TENM4: variants seen among roughly 807,000 people sequenced by gnomAD.
The protein encoded by TENM4 is teneurin transmembrane protein 4.
In TENM4, 82 loss-of-function variants were observed where a neutral mutation model predicts 243.3. That is an observed-to-expected ratio of 0.34 (90% CI 0.28 to 0.40). The LOEUF is 0.40. Among genes scored for constraint, TENM4 ranks in the 10% least tolerant of loss-of-function variants. TENM4 has a pLI of 1.00. For missense variants in TENM4, 3,138 were observed against 3,673.3 expected (o/e 0.85, Z 3.77); for synonymous variants, 1,412 against 1,456.3 (o/e 0.97, Z 0.69).
At chr11:78,842,909 C>T (rs886460160) in intron 12 of TENM4, among the ~76,000 whole-genome samples, 6 of 152,224 alleles carry the variant, frequency 3.9e-5, no homozygotes, top group Admixed American at 2.0e-4. Flanking sequence ...TGTGATGGCT[C>T]ATGCCTGTAA....
intron 3 of TENM4, among the ~76,000 whole-genome samples, chr11:79,151,394 A>G (rs889637352): frequency 2.0e-5 from 3 of 152,202 alleles, no homozygotes; most frequent in African/African-American, 7.2e-5. Context: ...CTAGAAGTCT[A>G]AACACAAGAA....
intron 2 of TENM4, among the ~76,000 whole-genome samples, chr11:79,247,477 T>A (rs563763416): frequency 6.7e-5 from 10 of 148,602 alleles, no homozygotes; most frequent in African/African-American, 2.5e-4. Flanking sequence ...CCTTGTGCAA[T>A]GACCTGGAGG....
intron 1 of TENM4, among the ~76,000 whole-genome samples, chr11:79,359,966 G>T (rs140953333): frequency 2.9e-4 from 44 of 152,230 alleles, no homozygotes; most frequent in African/African-American, 1.0e-3. Context: ...CAAACTGTAC[G>T]CATGGCATGT....
chr11:78,983,967 G>A (rs1008987727), intron 6 of TENM4, among the ~76,000 whole-genome samples: 1 of 152,196 alleles, frequency 6.6e-6, no homozygotes, highest in Non-Finnish European at 1.5e-5. Context: ...AAAATGGATG[G>A]TCATCTGTCT....
intron 12 of TENM4, among the ~76,000 whole-genome samples, chr11:78,849,394 T>TA (rs1228950198): frequency 6.6e-6 from 1 of 152,194 alleles, no homozygotes; most frequent in Non-Finnish European, 1.5e-5. Flanking sequence ...CCGTGACAAA[T>TA]AGTGAGAGAC....
chr11:79,358,531 A>G (rs1010635475), intron 1 of TENM4, among the ~76,000 whole-genome samples: 7 of 152,146 alleles, frequency 4.6e-5, no homozygotes, highest in African/African-American at 1.7e-4. Flanking sequence ...ACAGAGTACC[A>G]AATTATGCCT....
intron 6 of TENM4, among the ~76,000 whole-genome samples, chr11:78,944,884 G>T (rs1318544110): frequency 6.6e-6 from 1 of 152,148 alleles, no homozygotes; most frequent in Non-Finnish European, 1.5e-5. Flanking sequence ...GCCAGTAAGT[G>T]GCATGGCTGG....
At chr11:79,066,730 GCGCACGCACA>G (rs1860266837) in intron 5 of TENM4, among the ~76,000 whole-genome samples, 1 of 150,606 alleles carries the variant, frequency 6.6e-6, no homozygotes, top group African/African-American at 2.4e-5. Flanking sequence ...GAGCACACAC[GCGCACGCACA>G]TGCACACACG....
chr11:79,192,076 C>T (rs541360164), intron 3 of TENM4, among the ~76,000 whole-genome samples: 293 of 148,072 alleles, frequency 2.0e-3, no homozygotes, highest in Non-Finnish European at 2.9e-3. Flanking sequence ...CCAGCCGTCC[C>T]GTCCGGGAGG....
intron 1 of TENM4, among the ~76,000 whole-genome samples, chr11:79,439,978 T>TCGCA (rs1247007457): frequency 3.3e-5 from 5 of 150,050 alleles, no homozygotes; most frequent in Non-Finnish European, 7.4e-5. Flanking sequence ...GGAGCTGGGG[T>TCGCA]CGCATCTCCA....
intron 1 of TENM4, among the ~76,000 whole-genome samples, chr11:79,342,102 G>C (rs1857251560): frequency 6.6e-6 from 1 of 152,164 alleles, no homozygotes; most frequent in Admixed American, 6.5e-5. Context: ...CAATCACAGA[G>C]GACACTGAGA....
intron 6 of TENM4, among the ~76,000 whole-genome samples, chr11:78,904,593 TC>T (rs1856022505): frequency 6.6e-6 from 1 of 152,156 alleles, no homozygotes; most frequent in South Asian, 2.1e-4. Context: ...AGAGTCCCGT[TC>T]TGAGCCTTCT....
rs57907479 is a variant in TENM4, at chr11:79,343,655, T to TA, written c.-320-46113dup. Among the ~76,000 whole-genome samples the TA allele has an allele frequency of 1.4e-3, 209 of 146,384 alleles. 1 individual carries two copies. Among genetic ancestry groups the TA allele is most frequent in the Middle Eastern group, 7.1e-3 (2 of 282 alleles). On this transcript the variant is annotated intron_variant, in intron 1 of 33. Coordinates refer to ENST00000278550, the MANE Select transcript of TENM4 (RefSeq NM_001098816.3). ...AAAGAAAATACAGTGTAGCTAAGTT[T>TA]AAAAAAAAAAAAAATAGTTTGAGAC...
chr11:79,031,368 A>G (rs1211436907), intron 6 of TENM4, among the ~76,000 whole-genome samples: 1 of 152,194 alleles, frequency 6.6e-6, no homozygotes, highest in African/African-American at 2.4e-5. Flanking sequence ...CAACAGCTGC[A>G]CCCAACAGAT....
intron 2 of TENM4, among the ~76,000 whole-genome samples, chr11:79,262,562 C>T (rs1202603136): frequency 2.6e-5 from 4 of 152,184 alleles, no homozygotes; most frequent in Non-Finnish European, 4.4e-5. Context: ...CGTCTCTTTC[C>T]CAACCCCATT....
At position 78,855,861 on chromosome 11, in the gene TENM4, T is replaced by C. The variant is rs1012318520; in HGVS notation, c.1470+103A>G. The C allele has an allele frequency of 4.2e-5, 46 of 1,091,614 alleles. No individual in the cohort carries two copies. The Admixed American group carries it at 1.1e-3, about 25-fold the overall frequency. 67.6% of individuals were successfully genotyped at this position (1,091,614 alleles called of 1,614,324 possible). A position where few individuals can be genotyped will look rare whatever the true frequency, so the allele number is the denominator to read the frequency against. ...ATGAATGGGCTATAAAATATATAAA[T>C]GTCCCTTCAGGCTTAAGGCTCTGGA... On this transcript the variant is annotated intron_variant, in intron 11 of 33. Coordinates refer to ENST00000278550, the MANE Select transcript of TENM4 (RefSeq NM_001098816.3).
intron 1 of TENM4, among the ~76,000 whole-genome samples, chr11:79,380,666 A>G (rs1328914532): frequency 6.6e-6 from 1 of 152,198 alleles, no homozygotes; most frequent in Non-Finnish European, 1.5e-5. Context: ...AAGGAGGGGA[A>G]TTTCCCAAAT....
At chr11:78,885,784 G>A (rs1302707859) in intron 9 of TENM4, among the ~76,000 whole-genome samples, 1 of 152,168 alleles carries the variant, frequency 6.6e-6, no homozygotes, top group Non-Finnish European at 1.5e-5. Flanking sequence ...AAGTAGCCAG[G>A]TGCAGTGGGG....
intron 1 of TENM4, among the ~76,000 whole-genome samples, chr11:79,302,687 C>T (rs915779022): frequency 6.6e-6 from 1 of 152,168 alleles, no homozygotes; most frequent in Non-Finnish European, 1.5e-5. Flanking sequence ...CTTCCCTGTT[C>T]CCTGAGTTCA....
Sources: gnomAD v4.1 joint callset for allele counts (sites outside exome capture counted in the v4.1 genomes callset) on GRCh38, gnomAD v4.1.1 for gene constraint, MANE v1.5 for transcripts, NCBI Gene and HGNC (gene_info 2026-07-23, HGNC 2026-07-21) for gene names.